Variants in TOX2 observed in about 807,000 individuals in gnomAD.
The protein encoded by TOX2 is granulosa cell HMG box 1.
In TOX2, 15 loss-of-function variants were observed where a neutral mutation model predicts 47.4. The ratio of observed to expected loss-of-function variants is 0.32; its 90% CI spans 0.21 to 0.49. TOX2 has a LOEUF of 0.49. TOX2 is among the 20% of genes least tolerant of loss of function. The probability of loss-of-function intolerance (pLI) is 0.99; values close to 1 mark genes in which losing one functional copy is unlikely to be tolerated. For synonymous variants in TOX2, 290 were observed against 296.6 expected (o/e 0.98, Z 0.23); for missense variants, 622 against 673.1 (o/e 0.92, Z 0.84).
At position 44,066,784 on chromosome 20, in the gene TOX2, C is replaced by T. The variant is rs750866137; in HGVS notation, c.1411C>T (p.Pro471Ser). 2 of 1,614,190 alleles carry T rather than the reference C, an allele frequency of 1.2e-6. No individual in the cohort carries two copies. Among genetic ancestry groups the T allele is most frequent in the Admixed American group, 3.3e-5 (2 of 60,030 alleles). ...CAGCTCGGGATCCTGCTCACCTGGCCCATCCAACCCCACCAGCAGCGGGGA... is the reference window on the plus strand; with the variant it reads ...CAGCTCGGGATCCTGCTCACCTGGCTCATCCAACCCCACCAGCAGCGGGGA... ...PSSSGSCSPG[P>S]SNPTSSGDWD... The change falls in exon 8 of 9, where the codon CCA becomes TCA. Residue 471 changes from proline to serine, a missense_variant. Physicochemically the swap from Pro to Ser is moderately conservative, Grantham distance 74 (BLOSUM62 -1). Transcript: ENST00000341197.
intron 4 of TOX2, 100 bp downstream of exon 4, chr20:44,051,645 A>G: frequency 6.8e-7 from 1 of 1,479,030 alleles, no homozygotes; most frequent in Non-Finnish European, 9.0e-7. Context: ...TAAAGACTAG[A>G]AAAGCCTGAT....
At chr20:43,920,977 T>C (rs2069106910) in intron 1 of TOX2, among the ~76,000 whole-genome samples, 1 of 152,186 alleles carries the variant, frequency 6.6e-6, no homozygotes, top group South Asian at 2.1e-4. Flanking sequence ...AGCAAATATT[T>C]GCTGAATGAA....
chr20:44,051,172 C>T (rs2071502138), intron 3 of TOX2, 134 bp from the exon 4 acceptor site: 5 of 1,319,568 alleles, frequency 3.8e-6, no homozygotes, highest in South Asian at 1.6e-5. Flanking sequence ...TGAGATTCAC[C>T]TGTCAGGGAT....
At chr20:44,007,949 T>C (rs1214707408) in intron 3 of TOX2, among the ~76,000 whole-genome samples, 1 of 152,126 alleles carries the variant, frequency 6.6e-6, no homozygotes, top group Non-Finnish European at 1.5e-5. Context: ...TGGAGTCATA[T>C]AATTAAAAAA....
intron 3 of TOX2, among the ~76,000 whole-genome samples, chr20:44,029,507 G>A (rs1211415732): frequency 1.3e-5 from 2 of 152,136 alleles, no homozygotes; most frequent in Non-Finnish European, 2.9e-5. Context: ...TGGAGGCTCC[G>A]TTTGCTCAAC....
chr20:43,967,485 C>T lies in TOX2; in HGVS notation c.100-5882C>T, dbSNP rs546324803. On this transcript the variant is annotated intron_variant, in intron 1 of 8. Transcript: ENST00000341197. ...CATTTTACCCACCCGGGAACCCACA[C>T]GTCCAGGCATCTATCCACGCATCCC... 9.2e-5 allele frequency among the ~76,000 whole-genome samples: 14 copies of T among 152,248 alleles called. No individual in the cohort carries two copies. In the South Asian group the frequency reaches 1.0e-3, roughly 11 times the overall value.
rs374419007 is a variant in TOX2, at chr20:44,038,993, C to T, written c.412-12313C>T. The T allele has an allele frequency of 2.8e-5, 34 of 1,197,714 alleles. No individual in the cohort carries two copies. The East Asian group carries it at 4.0e-4, about 14-fold the overall frequency. The allele number at this position is 1,197,714 out of a possible 1,614,324, so 74.2% of individuals were successfully genotyped here. A position where few individuals can be genotyped will look rare whatever the true frequency, so the allele number is the denominator to read the frequency against. On this transcript the variant is annotated intron_variant, in intron 3 of 8. Transcript: ENST00000341197. Reference sequence around the variant, plus strand: ...GGCGGGTGCAGATGTGGCTCGGGAGCGTGGCCATATGTTTCCAAGAGGGAA... The same window carrying T: ...GGCGGGTGCAGATGTGGCTCGGGAGTGTGGCCATATGTTTCCAAGAGGGAA...
Position 44,018,950 on chromosome 20 carries a change from C to G in TOX2, c.411+12158C>G, listed in dbSNP as rs147443921. 1.2e-3 allele frequency among the ~76,000 whole-genome samples: 185 copies of G among 152,286 alleles called. 4 individuals carry two copies. In the East Asian group the frequency reaches 0.017, roughly 14 times the overall value. On this transcript the variant is annotated intron_variant, in intron 3 of 8. Transcript: ENST00000341197. ...GGTGACCTTGGGTGAATTACTGTCT[C>G]TCTCAGAGCCTCAAGTAAGATGGAG...
chr20:44,059,822 A>T (rs534368432), intron 5 of TOX2, among the ~76,000 whole-genome samples: 1 of 152,362 alleles, frequency 6.6e-6, no homozygotes, highest in African/African-American at 2.4e-5. Context: ...ATCTCACAGG[A>T]CCTCTAAAAT....
At chr20:44,011,521 G>A (rs1180312002) in intron 3 of TOX2, among the ~76,000 whole-genome samples, 1 of 152,192 alleles carries the variant, frequency 6.6e-6, no homozygotes, top group Non-Finnish European at 1.5e-5. Flanking sequence ...GATTCTATAA[G>A]TACTTTGTGA....
rs2069054076 is a variant in TOX2 at position 43,916,278 on chromosome 20, A to G, written c.99+1288A>G. On this transcript the variant is annotated intron_variant, in intron 1 of 8. Transcript: ENST00000341197. The surrounding 1 kb of genome is among the most constrained non-coding windows in gnomAD (Gnocchi z 5.0). ...TCCCCAACCTCGCAGGCTTTTCGTC[A>G]GGCCCCTGGTAGTGGGGATGAGGCA... 2.1e-6 allele frequency: 2 copies of G among 969,264 alleles called. No individual in the cohort carries two copies. Among genetic ancestry groups the G allele is most frequent in the Non-Finnish European group, 2.5e-6 (2 of 815,312 alleles). The allele number at this position is 969,264 out of a possible 1,614,324, so 60.0% of individuals were successfully genotyped here. A position where few individuals can be genotyped will look rare whatever the true frequency, so the allele number is the denominator to read the frequency against.
chr20:44,001,095 AACTGGC>A lies in TOX2; in HGVS notation c.166-5450_166-5445del, dbSNP rs370310578. Among the ~76,000 whole-genome samples the A allele has an allele frequency of 7.7e-4, 118 of 152,314 alleles. 1 individual carries two copies. Among genetic ancestry groups the A allele is most frequent in the African/African-American group, 2.6e-3 (106 of 41,562 alleles). On this transcript the variant is annotated intron_variant, in intron 2 of 8. Coordinates refer to ENST00000341197, the MANE Select transcript of TOX2 (RefSeq NM_001098797.2). ...CCTGTAAGATTTTACTAATATTTTTAACTGGCAAAGCTCTTACGACTTAGCATCTCT... is the reference window on the plus strand; with the variant it reads ...CCTGTAAGATTTTACTAATATTTTTAAAAGCTCTTACGACTTAGCATCTCT...
intron 2 of TOX2, among the ~76,000 whole-genome samples, chr20:43,989,356 A>G (rs1234806919): frequency 6.6e-6 from 1 of 152,216 alleles, no homozygotes; most frequent in East Asian, 1.9e-4. Flanking sequence ...AGCTGCCTAT[A>G]AAGACAGAAT....
intron 3 of TOX2, among the ~76,000 whole-genome samples, chr20:44,012,908 T>C (rs909243683): frequency 2.6e-5 from 4 of 152,216 alleles, no homozygotes; most frequent in Non-Finnish European, 5.9e-5. Context: ...AGATAGGCCC[T>C]TCATGCTGCA....
At chr20:43,962,990 G>A (rs2069787602) in intron 1 of TOX2, among the ~76,000 whole-genome samples, 1 of 152,018 alleles carries the variant, frequency 6.6e-6, no homozygotes, top group Non-Finnish European at 1.5e-5. Flanking sequence ...ATTCCTTTTT[G>A]TTGTCATCGT....
At position 43,915,411 on chromosome 20, in the gene TOX2, C is replaced by T. The variant is rs1231912580; in HGVS notation, c.99+421C>T. The stretch of plus-strand genomic sequence containing the variant: ...GCCACAGACGAGTCACCCACAGACG[C>T]TCCGATGCCCCACACACCGTGACAT... On this transcript the variant is annotated intron_variant, in intron 1 of 8. Transcript: ENST00000341197. The surrounding 1 kb of genome is among the most constrained non-coding windows in gnomAD (Gnocchi z 7.1). 2.0e-5 allele frequency among the ~76,000 whole-genome samples: 3 copies of T among 152,166 alleles called. No individual in the cohort carries two copies. The highest frequency in any genetic ancestry group is 7.2e-5 in the African/African-American group (3 of 41,444).
intron 1 of TOX2, among the ~76,000 whole-genome samples, chr20:43,934,798 T>TTGTGTGTGTGTGTGTGTGTGTG (rs148972789): frequency 1.4e-5 from 2 of 147,748 alleles, no homozygotes; most frequent in Non-Finnish European, 3.0e-5. Context: ...GTGTGTGTGT[T>TTGTGTGTGTGTGTGTGTGTGTG]TGTGTGTGTG....
At chr20:43,941,188 G>C (rs996557050) in intron 1 of TOX2, among the ~76,000 whole-genome samples, 15 of 152,074 alleles carry the variant, frequency 9.9e-5, no homozygotes, top group Admixed American at 1.3e-4. Context: ...CTTGGGTTTG[G>C]GCTGTTGTGG....
At chr20:43,919,830 A>G (rs4812763) in intron 1 of TOX2, among the ~76,000 whole-genome samples, 39,944 of 152,184 alleles carry the variant, frequency 0.26, 5,607 homozygotes, top group East Asian at 0.47. Flanking sequence ...AGCTCCATCC[A>G]TGCCACTGCA....
Sources: gnomAD v4.1 joint callset for allele counts (sites outside exome capture counted in the v4.1 genomes callset) on GRCh38, gnomAD v4.1.1 for gene constraint, Gnocchi (gnomAD v3.1) non-coding constraint, MANE v1.5 for transcripts, NCBI Gene and HGNC (gene_info 2026-07-23, HGNC 2026-07-21) for gene names.